The following ANXA8 variants were observed in gnomAD, a reference collection of about 807,000 sequenced individuals.
ANXA8 encodes VAC-beta.
Under a neutral mutation model 26.8 loss-of-function variants are expected in ANXA8, and 9 were observed. That is an observed-to-expected ratio of 0.34 (90% CI 0.20 to 0.59). ANXA8 has a LOEUF of 0.59. ANXA8 is among the 20% of genes least tolerant of loss of function. The pLI, the probability that ANXA8 is intolerant of heterozygous loss-of-function variation, is 0.84. For missense variants in ANXA8, 83 were observed against 238.5 expected (o/e 0.35, Z 4.29); for synonymous variants, 39 against 94.8 (o/e 0.41, Z 3.42).
chr10:47,988,888 G>A, the ANXA8 span, among the ~76,000 whole-genome samples: 1 of 151,740 alleles, frequency 6.6e-6, no homozygotes, highest in Non-Finnish European at 1.5e-5. Context: ...GGCCCTGAAT[G>A]TTTAAAAACA....
chr10:47,588,094 T>C, the ANXA8 span, among the ~76,000 whole-genome samples: 2 of 144,540 alleles, frequency 1.4e-5, 1 homozygote, highest in African/African-American at 5.8e-5. Flanking sequence ...ATGGTGACAA[T>C]GGGAGAAAGT....
At chr10:47,651,280 T>C in the ANXA8 span, among the ~76,000 whole-genome samples, 2 of 132,072 alleles carry the variant, frequency 1.5e-5, no homozygotes, top group African/African-American at 3.0e-5. Context: ...TTAAAAAAAA[T>C]CTCAAAAAAA....
chr10:47,743,361 TATATATATAC>T, the ANXA8 span, among the ~76,000 whole-genome samples: 81 of 42,706 alleles, frequency 1.9e-3, 2 homozygotes, highest in South Asian at 7.0e-3. Flanking sequence ...TATACACATA[TATATATATAC>T]ATATATATGT....
At chr10:47,766,911 TC>T in the ANXA8 span, among the ~76,000 whole-genome samples, 8 of 151,742 alleles carry the variant, frequency 5.3e-5, no homozygotes, top group African/African-American at 1.9e-4. Flanking sequence ...GTTCTGTCTT[TC>T]ATGGCCAAGC....
the ANXA8 span, among the ~76,000 whole-genome samples, chr10:47,916,677 T>C: frequency 1.2e-4 from 16 of 136,282 alleles, no homozygotes; most frequent in African/African-American, 3.3e-4. Flanking sequence ...AGCTGTTTGC[T>C]GCTTTTACCA....
chr10:47,495,289 A>ATTATTATTATTATTATTC, the ANXA8 span, among the ~76,000 whole-genome samples: 4 of 100,564 alleles, frequency 4.0e-5, no homozygotes, highest in African/African-American at 1.4e-4. Flanking sequence ...TATTATTATT[A>ATTATTATTATTATTATTC]TTATTATTAT....
chr10:47,761,037 G>A, the ANXA8 span: 8 of 628,466 alleles, frequency 1.3e-5, no homozygotes, highest in East Asian at 2.8e-5. Context: ...AAAAGCCATC[G>A]GGAGCCAGGA....
chr10:47,978,222 T>A, the ANXA8 span, among the ~76,000 whole-genome samples: 1 of 151,820 alleles, frequency 6.6e-6, no homozygotes, highest in Non-Finnish European at 1.5e-5. Flanking sequence ...AGCAAAGGTA[T>A]CTTTGAAAAA....
At chr10:47,491,823 C>T in the ANXA8 span, 2 of 675,282 alleles carry the variant, frequency 3.0e-6, no homozygotes, top group South Asian at 3.7e-5. Context: ...GTGAGGGCGG[C>T]AGCAGGAAGG....
chr10:47,556,831 A>G, the ANXA8 span, among the ~76,000 whole-genome samples: 1 of 147,316 alleles, frequency 6.8e-6, no homozygotes, highest in Non-Finnish European at 1.5e-5. Context: ...TTTTTCCAAT[A>G]TCAGCTAAAC....
the ANXA8 span, chr10:47,567,955 G>A: frequency 1.5e-6 from 1 of 686,116 alleles, no homozygotes; most frequent in Non-Finnish European, 2.6e-6. Context: ...TCTTTCAGAT[G>A]TGCCGTTTGG....
chr10:47,944,984 A>T, the ANXA8 span, among the ~76,000 whole-genome samples: 1 of 149,590 alleles, frequency 6.7e-6, no homozygotes, highest in Admixed American at 6.7e-5. Context: ...TGCTCCCAGG[A>T]TTTTGTATCT....
the ANXA8 span, among the ~76,000 whole-genome samples, chr10:47,633,501 A>G: frequency 2.3e-5 from 2 of 86,082 alleles, no homozygotes; most frequent in Non-Finnish European, 4.3e-5. Context: ...ATCATAATTT[A>G]ACCATGAACA....
At chr10:47,695,478 G>T in the ANXA8 span, among the ~76,000 whole-genome samples, 43 of 151,884 alleles carry the variant, frequency 2.8e-4, 1 homozygote, top group African/African-American at 1.0e-3. Context: ...CAAATGAGTT[G>T]GGCGCTATGA....
the ANXA8 span, among the ~76,000 whole-genome samples, chr10:47,956,816 G>T: frequency 6.7e-6 from 1 of 149,934 alleles, no homozygotes; most frequent in Admixed American, 6.6e-5. Context: ...CCTGCAGTTG[G>T]TCATTCAGGA....
chr10:47,597,201 G>A, the ANXA8 span, among the ~76,000 whole-genome samples: 908 of 149,062 alleles, frequency 6.1e-3, 7 homozygotes, highest in African/African-American at 0.021. Flanking sequence ...ATTTGATAAA[G>A]TCCAACATGC....
At chr10:47,590,830 C>T in the ANXA8 span, among the ~76,000 whole-genome samples, 2 of 130,888 alleles carry the variant, frequency 1.5e-5, no homozygotes, top group South Asian at 4.7e-4. Flanking sequence ...CATCTTATCC[C>T]TTTCGTTACC....
the ANXA8 span, among the ~76,000 whole-genome samples, chr10:47,548,837 A>G: frequency 6.6e-6 from 1 of 152,068 alleles, no homozygotes; most frequent in Non-Finnish European, 1.5e-5. Context: ...CAAGTTACTT[A>G]ACTGCTGGGA....
At chr10:47,733,241 T>TTTTC in the ANXA8 span, among the ~76,000 whole-genome samples, 1 of 66,362 alleles carries the variant, frequency 1.5e-5, no homozygotes, top group African/African-American at 6.8e-5. Flanking sequence ...CTCTCTTTCT[T>TTTTC]TCTTTCTTTC....
Sources: allele counts gnomAD v4.1 joint callset (sites outside exome capture counted in the v4.1 genomes callset), GRCh38; gene constraint gnomAD v4.1.1; transcripts MANE v1.5; gene names NCBI Gene and HGNC (gene_info 2026-07-23, HGNC 2026-07-21).